ZDHHC9: variants seen among roughly 807,000 people sequenced by gnomAD.
ZDHHC9 encodes the protein palmitoyltransferase ZDHHC9.
In ZDHHC9, 3 loss-of-function variants were observed where a neutral mutation model predicts 26.6. The observed-to-expected ratio is 0.11, with a 90% CI of 0.05 to 0.29. ZDHHC9 has a LOEUF of 0.29. Among genes scored for constraint, ZDHHC9 ranks in the 10% least tolerant of loss-of-function variants. ZDHHC9 has a pLI of 1.00. For synonymous variants in ZDHHC9, 111 were observed against 109.4 expected, an observed-to-expected ratio of 1.01 and a Z score of -0.09; for missense variants, 146 against 296.4, an observed-to-expected ratio of 0.49 and a Z score of 3.73.
At position 129,821,116 on chromosome X, in the gene ZDHHC9, C is replaced by T. The variant is rs769623763; in HGVS notation, c.487+2563G>A. Among the ~76,000 whole-genome samples the T allele has an allele frequency of 1.3e-4, 14 of 111,245 alleles. No homozygotes were observed. The South Asian group carries it at 1.9e-3, about 15-fold the overall frequency. ...TACCATCTCATGCCAGTCAGAATGG[C>T]GATTATTAAAAAGTCAAAAAACAAC... On this transcript the variant is annotated intron_variant, in intron 5 of 10. Transcript: ENST00000357166.
chrX:129,804,421 G>A lies in ZDHHC9; in HGVS notation c.*1949C>T, dbSNP rs1272712130. The A allele has an allele frequency of 9.0e-6, 1 of 111,187 alleles. No homozygotes were observed. The highest frequency in any genetic ancestry group is 9.5e-5 in the Admixed American group (1 of 10,490). 9.2% of individuals were successfully genotyped at this position (111,187 alleles called of 1,213,427 possible). Reference sequence around the variant, plus strand: ...AAATCCTGTTAAAAGGAAAAAGGAAGACATGGAAAAAGGTCTGGGAGCAGC... The same window carrying A: ...AAATCCTGTTAAAAGGAAAAAGGAAAACATGGAAAAAGGTCTGGGAGCAGC... On this transcript the variant is annotated 3_prime_UTR_variant, in exon 11 of 11. Coordinates refer to ENST00000357166, the MANE Select transcript of ZDHHC9 (RefSeq NM_016032.4).
At chrX:129,819,404 G>A (rs1234716540) in intron 5 of ZDHHC9, among the ~76,000 whole-genome samples, 1 of 109,957 alleles carries the variant, frequency 9.1e-6, no homozygotes, top group Non-Finnish European at 1.9e-5. Context: ...CATGCTCATT[G>A]TAGAAAACTT....
intron 5 of ZDHHC9, among the ~76,000 whole-genome samples, chrX:129,816,901 A>G (rs1429159309): frequency 9.0e-6 from 1 of 111,198 alleles, no homozygotes; most frequent in Non-Finnish European, 1.9e-5. Context: ...TTTATTTTTG[A>G]GACACAGTTT....
chrX:129,837,232 C>T (rs888288682), intron 3 of ZDHHC9, among the ~76,000 whole-genome samples: 1 of 112,005 alleles, frequency 8.9e-6, no homozygotes, highest in African/African-American at 3.2e-5. Context: ...TGGCCATCTA[C>T]TCTATGTAAG....
chrX:129,814,888 A>T (rs1927724729), intron 5 of ZDHHC9, 93 bp from the exon 6 acceptor site: 4 of 973,798 alleles, frequency 4.1e-6, no homozygotes, highest in Non-Finnish European at 5.8e-6. Context: ...GACCTCCAGG[A>T]TCATTGTCTA....
chrX:129,830,195 C>T (rs1928109823), intron 3 of ZDHHC9, among the ~76,000 whole-genome samples: 1 of 111,775 alleles, frequency 8.9e-6, no homozygotes, highest in Non-Finnish European at 1.9e-5. Flanking sequence ...CTCAACTGGA[C>T]TTCCTAAGAG....
intron 3 of ZDHHC9, among the ~76,000 whole-genome samples, chrX:129,833,534 A>G: frequency 1.8e-5 from 2 of 112,335 alleles, no homozygotes. Context: ...TGTTCTGTAC[A>G]ATACACTGCT....
intron 5 of ZDHHC9, among the ~76,000 whole-genome samples, chrX:129,818,356 C>T (rs886608879): frequency 8.9e-6 from 1 of 111,766 alleles, no homozygotes; most frequent in South Asian, 3.7e-4. Flanking sequence ...CCCAAGCAGA[C>T]TAATATAGGT....
Position 129,805,978 on chromosome X carries a change from G to A in ZDHHC9, c.*392C>T, listed in dbSNP as rs1186741357. On this transcript the variant is annotated 3_prime_UTR_variant, in exon 11 of 11. Coordinates refer to ENST00000357166, the MANE Select transcript of ZDHHC9 (RefSeq NM_016032.4). Reference sequence around the variant, plus strand: ...CTGTGACTGCCTCTGGACTCAGCACGTGCAGCAGCTTGGGAGGATTTGAGC... The same window carrying A: ...CTGTGACTGCCTCTGGACTCAGCACATGCAGCAGCTTGGGAGGATTTGAGC... 4 of 210,539 alleles carry A rather than the reference G, an allele frequency of 1.9e-5. No homozygotes were observed. The highest frequency in any genetic ancestry group is 3.5e-5 in the Non-Finnish European group (4 of 114,321). The allele number at this position is 210,539 out of a possible 1,213,427, so 17.4% of individuals were successfully genotyped here. A position where few individuals can be genotyped will look rare whatever the true frequency, so the allele number is the denominator to read the frequency against.
chrX:129,814,835 G>T, intron 5 of ZDHHC9, 40 bp from the exon 6 acceptor site: 1 of 1,201,875 alleles, frequency 8.3e-7, no homozygotes, highest in South Asian at 1.8e-5. Context: ...AAAGCCTCCA[G>T]AACAAAAATC....
intron 4 of ZDHHC9, among the ~76,000 whole-genome samples, chrX:129,826,698 C>G (rs1928023363): frequency 9.0e-6 from 1 of 111,565 alleles, no homozygotes; most frequent in African/African-American, 3.3e-5. Context: ...CTAGTTCTAT[C>G]GGGTCTCCCC....
In ZDHHC9 at chrX:129,807,772, T is replaced by C. The variant is rs760138357; in HGVS notation, c.979-1286A>G. On this transcript the variant is annotated intron_variant, in intron 10 of 10. Transcript: ENST00000357166. ...AGGTGGAGGTTGCAGTGAGCCAAGA[T>C]GGCGCTGCCGCACTCCAGCCTGGGC... Among the ~76,000 whole-genome samples, 27 of 111,075 alleles carry C rather than the reference T, an allele frequency of 2.4e-4. No individual in the cohort carries two copies. In the East Asian group the frequency reaches 7.5e-3, roughly 31 times the overall value.
At chrX:129,811,594 AAG>A in intron 8 of ZDHHC9, 85 bp from the exon 9 acceptor site, 1 of 749,448 alleles carries the variant, frequency 1.3e-6, no homozygotes, top group Non-Finnish European at 2.0e-6. Flanking sequence ...AGACACAAAA[AAG>A]AAAAATAATA....
chrX:129,817,276 C>A (rs959570821), intron 5 of ZDHHC9, among the ~76,000 whole-genome samples: 4 of 110,846 alleles, frequency 3.6e-5, no homozygotes, highest in African/African-American at 1.3e-4. Context: ...CATGGTGAAA[C>A]CCCATCTCTA....
intron 4 of ZDHHC9, among the ~76,000 whole-genome samples, chrX:129,825,556 A>G (rs60667713): frequency 0.06 from 6,707 of 110,906 alleles, 510 homozygotes; most frequent in African/African-American, 0.21. Flanking sequence ...TACGTGTACT[A>G]TGATTTATTT....
At chrX:129,837,471 G>A (rs773392226) in intron 3 of ZDHHC9, among the ~76,000 whole-genome samples, 4 of 112,704 alleles carry the variant, frequency 3.5e-5, no homozygotes, top group African/African-American at 1.3e-4. Context: ...GAAAGAATTT[G>A]AAAGAGGGGT....
chrX:129,827,067 G>T (rs958638850), intron 4 of ZDHHC9, among the ~76,000 whole-genome samples: 1 of 109,564 alleles, frequency 9.1e-6, no homozygotes, highest in Admixed American at 9.8e-5. Flanking sequence ...GGTGGCGGGT[G>T]CCCATAATCC....
At chrX:129,829,917 A>T (rs777279770) in intron 3 of ZDHHC9, among the ~76,000 whole-genome samples, 2 of 111,682 alleles carry the variant, frequency 1.8e-5, no homozygotes, top group East Asian at 5.6e-4. Flanking sequence ...CATTGCAACT[A>T]TAATTTATTG....
chrX:129,835,390 T>C (rs1021849098), intron 3 of ZDHHC9, among the ~76,000 whole-genome samples: 3 of 100,251 alleles, frequency 3.0e-5, no homozygotes, highest in Non-Finnish European at 4.0e-5. Context: ...GAGGATGCAG[T>C]GAGCCAAGAT....
Sources: allele counts gnomAD v4.1 joint callset (sites outside exome capture counted in the v4.1 genomes callset), GRCh38; gene constraint gnomAD v4.1.1; transcripts MANE v1.5; gene names NCBI Gene and HGNC (gene_info 2026-07-23, HGNC 2026-07-21).